Variants in GPAT3 observed in about 807,000 individuals in gnomAD.
The protein encoded by GPAT3 is 1-AGP acyltransferase 9.
Under a neutral mutation model 58.8 loss-of-function variants are expected in GPAT3, and 53 were observed. The ratio of observed to expected loss-of-function variants is 0.90; its 90% CI spans 0.72 to 1.13. The LOEUF is 1.13. GPAT3 is among the 50% of genes most tolerant of loss of function. GPAT3 has a pLI of 0.00. For synonymous variants in GPAT3, 197 were observed against 187.4 expected (o/e 1.05, Z -0.42); for missense variants, 511 against 527.6 (o/e 0.97, Z 0.31).
At chr4:83,537,564 A>T (rs12505052) in intron 1 of GPAT3, among the ~76,000 whole-genome samples, 6,915 of 146,518 alleles carry the variant, frequency 0.047, 542 homozygotes, top group African/African-American at 0.17. Context: ...GTCTTTTTTT[A>T]AAAAAAAATT....
At chr4:83,566,096 A>C (rs1302528192) in intron 2 of GPAT3, among the ~76,000 whole-genome samples, 1 of 152,220 alleles carries the variant, frequency 6.6e-6, no homozygotes, top group East Asian at 1.9e-4. Context: ...GCATAAAGAC[A>C]TGAAGGCAAT....
intron 5 of GPAT3, 86 bp from the exon 6 acceptor site, chr4:83,590,113 C>A: frequency 2.4e-6 from 3 of 1,248,024 alleles, no homozygotes; most frequent in Non-Finnish European, 3.5e-6. Context: ...TATATACACA[C>A]ACACACACTT....
chr4:83,588,294 T>A lies in GPAT3; in HGVS notation c.639T>A (p.His213Gln). 2.5e-6 allele frequency: 4 copies of A among 1,569,892 alleles called. No homozygotes were observed. Among genetic ancestry groups the A allele is most frequent in the Non-Finnish European group, 3.4e-6 (4 of 1,165,470 alleles). The change falls in exon 5 of 12, where the codon CAT becomes CAA. Residue 213 changes from histidine to glutamine, a missense_variant. By Grantham distance (24) the His-to-Gln change is conservative. Transcript: ENST00000264409. ...VRALSGTIHY[H>Q]NKQYRPQKGG... Reference sequence around the variant, plus strand: ...CCCTCTCTGGTACCATTCATTATCATAACAAGTGAGTATCTGCTCCAATGT... The same window carrying A: ...CCCTCTCTGGTACCATTCATTATCAAAACAAGTGAGTATCTGCTCCAATGT...
At chr4:83,542,171 TA>T (rs1439993783) in intron 1 of GPAT3, among the ~76,000 whole-genome samples, 2 of 152,206 alleles carry the variant, frequency 1.3e-5, no homozygotes, top group Non-Finnish European at 2.9e-5. Flanking sequence ...ACTATTTGTA[TA>T]AAATATAAAA....
chr4:83,577,281 A>G (rs1699932736), intron 2 of GPAT3, among the ~76,000 whole-genome samples: 1 of 151,854 alleles, frequency 6.6e-6, no homozygotes, highest in Non-Finnish European at 1.5e-5. Context: ...TGTAAGGTGC[A>G]ATCCTGGACC....
At chr4:83,600,177 C>T (rs997989185) in intron 11 of GPAT3, among the ~76,000 whole-genome samples, 3 of 152,098 alleles carry the variant, frequency 2.0e-5, no homozygotes, top group Non-Finnish European at 4.4e-5. Flanking sequence ...AGTTTGAGAT[C>T]AGGGTGCAGC....
chr4:83,559,879 G>A (rs1725071236), intron 2 of GPAT3, among the ~76,000 whole-genome samples: 1 of 152,128 alleles, frequency 6.6e-6, no homozygotes, highest in East Asian at 1.9e-4. Flanking sequence ...TCTGTTTGGC[G>A]AGAACAGGAT....
chr4:83,579,018 C>T (rs1375324852), intron 2 of GPAT3, among the ~76,000 whole-genome samples: 2 of 10,760 alleles, frequency 1.9e-4, no homozygotes, highest in African/African-American at 2.6e-4. Flanking sequence ...CCTTCTTTCC[C>T]TTTCTTTCTT....
intron 3 of GPAT3, among the ~76,000 whole-genome samples, chr4:83,583,667 GAAAAAAAAAAAAAAA>G (rs749976752): frequency 8.5e-5 from 2 of 23,462 alleles, no homozygotes; most frequent in Admixed American, 6.5e-4. Context: ...ACTCTTGTCT[GAAAAAAAAAAAAAAA>G]AAAAAAAAAA....
At chr4:83,583,070 G>A (rs1726217547) in intron 3 of GPAT3, among the ~76,000 whole-genome samples, 2 of 151,936 alleles carry the variant, frequency 1.3e-5, no homozygotes, top group South Asian at 4.2e-4. Context: ...GGCCGAGGTG[G>A]GCGGATCACA....
In GPAT3 at chr4:83,588,204, C is replaced by T. The variant is rs1439118427; in HGVS notation, c.555-6C>T. On this transcript the variant is annotated splice_polypyrimidine_tract_variant and splice_region_variant and intron_variant, in intron 4 of 11. Transcript: ENST00000264409. ...TGGCACAATAAAATGTTTCTATTTCCTTCAGCCTCAAAAACTGGCTGAGTG... is the reference window on the plus strand; with the variant it reads ...TGGCACAATAAAATGTTTCTATTTCTTTCAGCCTCAAAAACTGGCTGAGTG... 1 of 1,613,574 alleles carries T rather than the reference C, an allele frequency of 6.2e-7. No homozygotes were observed. The highest frequency in any genetic ancestry group is 1.7e-5 in the Admixed American group (1 of 59,966).
chr4:83,597,579 T>A, intron 9 of GPAT3, 64 bp downstream of exon 9: 10 of 1,208,968 alleles, frequency 8.3e-6, no homozygotes, highest in Non-Finnish European at 1.1e-5. Context: ...TAATTTTATT[T>A]TGGTAGCATT....
chr4:83,540,826 A>G (rs1316630501), intron 1 of GPAT3, among the ~76,000 whole-genome samples: 5 of 152,118 alleles, frequency 3.3e-5, no homozygotes, highest in African/African-American at 1.2e-4. Context: ...AGTAGCTGGG[A>G]TTACAGGCAG....
intron 1 of GPAT3, among the ~76,000 whole-genome samples, chr4:83,540,981 T>C (rs2132092): frequency 0.56 from 84,375 of 151,666 alleles, 24,795 homozygotes; most frequent in African/African-American, 0.73. Context: ...TGAACCACCA[T>C]GCCTGGCTTT....
chr4:83,590,246 C>A lies in GPAT3; in HGVS notation c.692C>A (p.Ser231Tyr), dbSNP rs553068392. ...KGGICVANHT[S>Y]PIDVLILTTD... ...GGCATTTGTGTTGCCAACCATACTT[C>A]CCCCATTGATGTTTTAATCTTGACA... The change falls in exon 6 of 12, where the codon TCC becomes TAC. Residue 231 changes from serine to tyrosine, a missense_variant. By Grantham distance (144) the Ser-to-Tyr change is moderately radical. Coordinates refer to ENST00000264409, the MANE Select transcript of GPAT3 (RefSeq NM_032717.5). 3.1e-6 allele frequency: 5 copies of A among 1,613,888 alleles called. No individual in the cohort carries two copies. Among genetic ancestry groups the A allele is most frequent in the Non-Finnish European group, 4.2e-6 (5 of 1,179,854 alleles).
chr4:83,585,149 A>G (rs766541870), intron 3 of GPAT3, among the ~76,000 whole-genome samples: 3 of 152,152 alleles, frequency 2.0e-5, no homozygotes, highest in Non-Finnish European at 4.4e-5. Context: ...AGTAACTGAC[A>G]AGAAAAAAGA....
In GPAT3 at chr4:83,600,142, T is replaced by G. The variant is rs529132024; in HGVS notation, c.1205+1419T>G. 1.6e-4 allele frequency among the ~76,000 whole-genome samples: 25 copies of G among 152,284 alleles called. 1 individual carries two copies. The highest frequency in any genetic ancestry group is 5.8e-4 in the African/African-American group (24 of 41,574). On this transcript the variant is annotated intron_variant, in intron 11 of 11. Coordinates refer to ENST00000264409, the MANE Select transcript of GPAT3 (RefSeq NM_032717.5). ...TTAAACAACAGTTTTAGAACTGTTATTTTCCCACAGTTCTAAAGGCTGGAA... is the reference window on the plus strand; with the variant it reads ...TTAAACAACAGTTTTAGAACTGTTAGTTTCCCACAGTTCTAAAGGCTGGAA...
At chr4:83,551,575 C>T (rs1215325375) in intron 2 of GPAT3, among the ~76,000 whole-genome samples, 2 of 151,730 alleles carry the variant, frequency 1.3e-5, no homozygotes, top group Non-Finnish European at 2.9e-5. Context: ...GGGCGGATCA[C>T]GAGGTCAAGA....
At chr4:83,536,056 G>GTGGGGCGAGGGCAGCGCGCAGAAA, upstream of GPAT3, 1 of 985,300 alleles carries the variant, frequency 1.0e-6, no homozygotes, top group Non-Finnish European at 1.2e-6. Context: ...GACGGAGGAG[G>GTGGGGCGAGGGCAGCGCGCAGAAA]TGGGGCGAGG....
Sources: gnomAD v4.1 joint callset for allele counts (sites outside exome capture counted in the v4.1 genomes callset) on GRCh38, gnomAD v4.1.1 for gene constraint, MANE v1.5 for transcripts, NCBI Gene and HGNC (gene_info 2026-07-23, HGNC 2026-07-21) for gene names.